The following DYRK1A variants were observed in gnomAD, a reference collection of about 807,000 sequenced individuals.
DYRK1A encodes the protein dual specificity tyrosine-phosphorylation-regulated kinase 1A.
Under a neutral mutation model 79.7 loss-of-function variants are expected in DYRK1A, and 9 were observed. The observed-to-expected ratio is 0.11, with a 90% CI of 0.07 to 0.20. The LOEUF (loss-of-function observed/expected upper bound fraction) is 0.20, where lower values mean the gene tolerates loss of function less well. Among genes scored for constraint, DYRK1A ranks in the 10% least tolerant of loss-of-function variants. The pLI is 1.00. For missense variants in DYRK1A, 622 were observed against 956.0 expected, an observed-to-expected ratio of 0.65 and a Z score of 4.61; for synonymous variants, 349 against 329.7, an observed-to-expected ratio of 1.06 and a Z score of -0.63.
chr21:37,501,830 AT>A (rs2053460283), intron 9 of DYRK1A: 1 of 152,176 alleles, frequency 6.6e-6, no homozygotes, highest in South Asian at 2.1e-4. Flanking sequence ...TCTGTCAGTA[AT>A]TGAGAGAAGA....
At chr21:37,428,337 A>G (rs1192111306) in intron 2 of DYRK1A, among the ~76,000 whole-genome samples, 3 of 152,224 alleles carry the variant, frequency 2.0e-5, no homozygotes, top group Admixed American at 6.5e-5. Flanking sequence ...TCTCAAATCT[A>G]TGTGTTGAAC....
rs534239809 is a variant in DYRK1A at position 37,466,552 on chromosome 21, A to G, written c.11-6132A>G. Among the ~76,000 whole-genome samples, 122 of 152,194 alleles carry G rather than the reference A, an allele frequency of 8.0e-4. 1 individual carries two copies. The highest frequency in any genetic ancestry group is 1.5e-3 in the Non-Finnish European group (99 of 68,032). ...AAATACAAGGAAACAGAAGAAGGTA[A>G]AGGTAAAAAGATGGACAAAAGACAT... On this transcript the variant is annotated intron_variant, in intron 2 of 11. Coordinates refer to ENST00000647188, the MANE Select transcript of DYRK1A (RefSeq NM_001347721.2).
intron 2 of DYRK1A, among the ~76,000 whole-genome samples, chr21:37,459,620 A>T (rs144888940): frequency 1.2e-3 from 186 of 152,324 alleles, no homozygotes; most frequent in African/African-American, 4.2e-3. Context: ...ATGTTATTCT[A>T]ATACCCTGCT....
At chr21:37,380,930 C>T (rs1858418535) in intron 1 of DYRK1A, among the ~76,000 whole-genome samples, 1 of 152,186 alleles carries the variant, frequency 6.6e-6, no homozygotes, top group Non-Finnish European at 1.5e-5. Context: ...GGGATCATCA[C>T]TTCTATCAGC....
intron 2 of DYRK1A, among the ~76,000 whole-genome samples, chr21:37,431,750 G>A (rs984316549): frequency 6.6e-6 from 1 of 152,142 alleles, no homozygotes; most frequent in Non-Finnish European, 1.5e-5. Flanking sequence ...TTCATATGAC[G>A]TAGAAATTGA....
At position 37,490,365 on chromosome 21, in the gene DYRK1A, C is replaced by T; in HGVS notation, c.828C>T (p.His276=). 11 of 1,613,726 alleles carry T rather than the reference C, an allele frequency of 6.8e-6. No homozygotes were observed. The highest frequency in any genetic ancestry group is 9.3e-6 in the Non-Finnish European group (11 of 1,179,724). ...FLATPELSII[H]CDLKPENILL... is the part of the protein sequence containing the mutation. ...CGACTCCAGAACTTAGTATCATTCACTGTGATCTAAAACCTGAAAATATCC... is the reference window on the plus strand; with the variant it reads ...CGACTCCAGAACTTAGTATCATTCATTGTGATCTAAAACCTGAAAATATCC... The change falls in exon 7 of 12, where the codon CAC becomes CAT. Residue 276 remains histidine (H), a synonymous_variant. Transcript: ENST00000647188.
At chr21:37,495,830 C>T (rs2053250741) in intron 8 of DYRK1A, among the ~76,000 whole-genome samples, 1 of 152,052 alleles carries the variant, frequency 6.6e-6, no homozygotes, top group Non-Finnish European at 1.5e-5. Context: ...AAAATTCTCC[C>T]AAAACAGAAA....
In DYRK1A at chr21:37,525,489, C is replaced by T. The variant is rs1272399046; in HGVS notation, c.*12958C>T. The T allele has an allele frequency of 4.6e-5, 7 of 152,132 alleles. No individual in the cohort carries two copies. Among genetic ancestry groups the T allele is most frequent in the Non-Finnish European group, 7.3e-5 (5 of 68,038 alleles). 9.4% of individuals were successfully genotyped at this position (152,132 alleles called of 1,614,324 possible). On this transcript the variant is annotated 3_prime_UTR_variant, in exon 12 of 12. Coordinates refer to ENST00000647188, the MANE Select transcript of DYRK1A (RefSeq NM_001347721.2). ...CTCCCACTGGGTCCTACCCATGACA[C>T]GTGGGGATTATGGGGGCTACAATTC...
In DYRK1A at chr21:37,514,383, A is replaced by G. The variant is rs2053841676; in HGVS notation, c.*1852A>G. 2 of 152,624 alleles carry G rather than the reference A, an allele frequency of 1.3e-5. No homozygotes were observed. Among genetic ancestry groups the G allele is most frequent in the African/African-American group, 4.8e-5 (2 of 41,452 alleles). The allele number at this position is 152,624 out of a possible 1,614,324, so 9.5% of individuals were successfully genotyped here. A position where few individuals can be genotyped will look rare whatever the true frequency, so the allele number is the denominator to read the frequency against. ...GAGCGGTTGAATTGGGAGAATGAAG[A>G]TAAGTAATTTACCTGTCCAGGATCA... On this transcript the variant is annotated 3_prime_UTR_variant, in exon 12 of 12. Coordinates refer to ENST00000647188, the MANE Select transcript of DYRK1A (RefSeq NM_001347721.2).
At chr21:37,481,174 G>A (rs570012600) in intron 5 of DYRK1A, 1 of 162,944 alleles carries the variant, frequency 6.1e-6, no homozygotes, top group East Asian at 1.7e-4. Flanking sequence ...CTTCTTGTCC[G>A]ATAGACCACT....
intron 1 of DYRK1A, among the ~76,000 whole-genome samples, chr21:37,392,750 A>G (rs989128101): frequency 6.6e-6 from 1 of 152,244 alleles, no homozygotes; most frequent in Non-Finnish European, 1.5e-5. Flanking sequence ...TGCTGCTGTA[A>G]CAAAACACAG....
intron 2 of DYRK1A, among the ~76,000 whole-genome samples, chr21:37,458,299 T>TGTGTGTGTGTGTGC (rs886271557): frequency 6.6e-6 from 1 of 151,684 alleles, no homozygotes; most frequent in African/African-American, 2.4e-5. Flanking sequence ...TGTGTGTGTG[T>TGTGTGTGTGTGTGC]GTGTGTGTAC....
At chr21:37,435,564 A>G (rs2050900035) in intron 2 of DYRK1A, among the ~76,000 whole-genome samples, 2 of 152,250 alleles carry the variant, frequency 1.3e-5, no homozygotes, top group South Asian at 4.1e-4. Flanking sequence ...TAAATACTTC[A>G]TAACACAAAA....
chr21:37,483,946 A>C (rs1449310692), intron 5 of DYRK1A, among the ~76,000 whole-genome samples: 1 of 152,082 alleles, frequency 6.6e-6, no homozygotes, highest in African/African-American at 2.4e-5. Flanking sequence ...CAGCCTCTTA[A>C]GGAAAGGCAT....
chr21:37,372,271 C>T (rs1383541686), intron 1 of DYRK1A, among the ~76,000 whole-genome samples: 2 of 140,914 alleles, frequency 1.4e-5, no homozygotes, highest in African/African-American at 2.8e-5. Context: ...TGGTGAAACC[C>T]TGTCTCAAAA....
intron 2 of DYRK1A, among the ~76,000 whole-genome samples, chr21:37,421,439 TAGAG>T (rs2050472770): frequency 2.0e-5 from 3 of 152,148 alleles, no homozygotes; most frequent in Non-Finnish European, 2.9e-5. Flanking sequence ...TAAATTAAAT[TAGAG>T]AGTATATAAT....
chr21:37,382,344 C>T, intron 1 of DYRK1A, among the ~76,000 whole-genome samples: 1 of 152,020 alleles, frequency 6.6e-6, no homozygotes, highest in Admixed American at 6.6e-5. Context: ...GAAGCGTAAG[C>T]CACTGTGCCT....
chr21:37,373,868 C>T (rs1043692624), intron 1 of DYRK1A, among the ~76,000 whole-genome samples: 3 of 152,182 alleles, frequency 2.0e-5, no homozygotes, highest in African/African-American at 7.2e-5. Context: ...TTGCCTGTTA[C>T]ACTTCAAAAT....
chr21:37,466,937 T>C (rs1050066909), intron 2 of DYRK1A, among the ~76,000 whole-genome samples: 4 of 151,868 alleles, frequency 2.6e-5, no homozygotes, highest in Non-Finnish European at 5.9e-5. Context: ...TGAGAAGATA[T>C]TATAAAAACT....
Sources: allele counts gnomAD v4.1 joint callset (sites outside exome capture counted in the v4.1 genomes callset), GRCh38; gene constraint gnomAD v4.1.1; transcripts MANE v1.5; gene names NCBI Gene and HGNC (gene_info 2026-07-23, HGNC 2026-07-21).